The following TBPL1 variants were observed in gnomAD, a reference collection of about 807,000 sequenced individuals.
TBPL1 encodes the protein TATA-box binding protein like 1, also known as TATA box-binding protein-like 1.
Under a neutral mutation model 22.1 loss-of-function variants are expected in TBPL1, and 4 were observed. The ratio of observed to expected loss-of-function variants is 0.18; its 90% CI spans 0.09 to 0.41. TBPL1 has a LOEUF of 0.41. Among genes scored for constraint, TBPL1 ranks in the 10% least tolerant of loss-of-function variants. The pLI is 1.00. For synonymous variants in TBPL1, 64 were observed against 71.0 expected (o/e 0.90, Z 0.50); for missense variants, 115 against 222.3 (o/e 0.52, Z 3.07).
At chr6:133,954,166 A>AT (rs1222213868) in intron 1 of TBPL1, among the ~76,000 whole-genome samples, 1 of 152,208 alleles carries the variant, frequency 6.6e-6, no homozygotes, top group Non-Finnish European at 1.5e-5. Context: ...GCTCATTGCA[A>AT]TAAGACTCAA....
At chr6:133,962,364 A>G (rs1321031376) in intron 1 of TBPL1, among the ~76,000 whole-genome samples, 1 of 152,232 alleles carries the variant, frequency 6.6e-6, no homozygotes, top group African/African-American at 2.4e-5. Context: ...TGTAGCCATA[A>G]TGACATGTGA....
chr6:133,975,925 T>C (rs1444917452), intron 1 of TBPL1, among the ~76,000 whole-genome samples: 1 of 152,196 alleles, frequency 6.6e-6, no homozygotes, highest in African/African-American at 2.4e-5. Context: ...CTTAAATATA[T>C]GGTAGTGCCA....
intron 2 of TBPL1, among the ~76,000 whole-genome samples, 186 bp downstream of exon 2, chr6:133,980,446 A>G (rs1776389122): frequency 6.6e-6 from 1 of 152,198 alleles, no homozygotes; most frequent in African/African-American, 2.4e-5. Context: ...TTTTGTACAT[A>G]GAGTGCTGGT....
rs1285759843 is a variant in TBPL1 at position 133,987,068 on chromosome 6, A to G, written c.*28A>G. The G allele has an allele frequency of 1.3e-6, 2 of 1,545,890 alleles. No individual in the cohort carries two copies. Among genetic ancestry groups the G allele is most frequent in the Middle Eastern group, 2.3e-4 (1 of 4,418 alleles). Reference sequence around the variant, plus strand: ...CACCACTTAATTGGTTAGAATCTCTAACTGAGCACCTTTTAAACCTGCTGC... The same window carrying G: ...CACCACTTAATTGGTTAGAATCTCTGACTGAGCACCTTTTAAACCTGCTGC... On this transcript the variant is annotated 3_prime_UTR_variant, in exon 7 of 7. Transcript: ENST00000237264.
intron 1 of TBPL1, among the ~76,000 whole-genome samples, chr6:133,966,101 T>C (rs1204771368): frequency 1.3e-5 from 2 of 152,116 alleles, no homozygotes; most frequent in African/African-American, 4.8e-5. Flanking sequence ...AGAGAGAGTG[T>C]GTGTGCATGT....
At chr6:133,985,438 TCA>T (rs979465731) in intron 6 of TBPL1, among the ~76,000 whole-genome samples, 3 of 150,208 alleles carry the variant, frequency 2.0e-5, no homozygotes, top group African/African-American at 7.3e-5. Context: ...CTCATAAATT[TCA>T]CAGAGGTTTT....
chr6:133,953,017 C>T (rs1252623148), upstream of TBPL1, among the ~76,000 whole-genome samples: 1 of 151,990 alleles, frequency 6.6e-6, no homozygotes, highest in East Asian at 1.9e-4. Context: ...AGCGGGTGGG[C>T]AGGAGGGGCC....
intron 1 of TBPL1, among the ~76,000 whole-genome samples, chr6:133,974,336 C>T (rs1776275953): frequency 6.6e-6 from 1 of 152,016 alleles, no homozygotes; most frequent in Non-Finnish European, 1.5e-5. Context: ...TTGGTCAGTT[C>T]AGTTATTTCT....
rs1173956436 is a variant in TBPL1, at chr6:133,971,781, A to G, written c.-44-8301A>G. Among the ~76,000 whole-genome samples the G allele has an allele frequency of 4.6e-5, 7 of 151,972 alleles. No homozygotes were observed. In the South Asian group the frequency reaches 1.5e-3, roughly 32 times the overall value. ...GTTTTGCTTATTTTTTAATCAGATTATTTCTTTTGCTGAGTTGGTTGAATT... is the reference window on the plus strand; with the variant it reads ...GTTTTGCTTATTTTTTAATCAGATTGTTTCTTTTGCTGAGTTGGTTGAATT... On this transcript the variant is annotated intron_variant, in intron 1 of 6. Transcript: ENST00000237264.
At chr6:133,956,803 A>G (rs1276104472) in intron 1 of TBPL1, among the ~76,000 whole-genome samples, 2 of 152,220 alleles carry the variant, frequency 1.3e-5, no homozygotes, top group Non-Finnish European at 2.9e-5. Context: ...TTCAAACAAT[A>G]AAGATAATGG....
rs1776478394 is a variant in TBPL1 at position 133,984,776 on chromosome 6, C to G, written c.481+105C>G. On this transcript the variant is annotated intron_variant, in intron 6 of 6. Coordinates refer to ENST00000237264, the MANE Select transcript of TBPL1 (RefSeq NM_004865.4). ...TGTGATTTGTTCCTTTCAGTCACTT[C>G]TGCCCTTTAGAGGAACCAGTCTCCT... 7 of 1,015,606 alleles carry G rather than the reference C, an allele frequency of 6.9e-6. No homozygotes were observed. In the South Asian group the frequency reaches 9.3e-5, roughly 13 times the overall value. 62.9% of individuals were successfully genotyped at this position (1,015,606 alleles called of 1,614,324 possible).
chr6:133,958,180 A>G (rs182458480), intron 1 of TBPL1, among the ~76,000 whole-genome samples: 6 of 152,300 alleles, frequency 3.9e-5, no homozygotes, highest in Admixed American at 2.0e-4. Context: ...TTGAAATACT[A>G]TTTCCCTGTG....
intron 1 of TBPL1, among the ~76,000 whole-genome samples, chr6:133,977,028 CT>C (rs1320953088): frequency 6.6e-6 from 1 of 151,164 alleles, no homozygotes; most frequent in Non-Finnish European, 1.5e-5. Flanking sequence ...GACTGTCATT[CT>C]AATTATCCTA....
intron 1 of TBPL1, among the ~76,000 whole-genome samples, chr6:133,953,822 C>T (rs1267621011): frequency 6.6e-6 from 1 of 152,100 alleles, no homozygotes; most frequent in African/African-American, 2.4e-5. Flanking sequence ...GAAGAGGGAC[C>T]GTGCAAAGAT....
intron 6 of TBPL1, among the ~76,000 whole-genome samples, chr6:133,985,716 A>G (rs896363794): frequency 6.6e-6 from 1 of 152,130 alleles, no homozygotes; most frequent in East Asian, 1.9e-4. Context: ...TCTTTCTTCA[A>G]TCCACAGAGG....
chr6:133,956,314 G>T (rs1435539421), intron 1 of TBPL1, among the ~76,000 whole-genome samples: 1 of 152,192 alleles, frequency 6.6e-6, no homozygotes, highest in Non-Finnish European at 1.5e-5. Flanking sequence ...AATCCATTTT[G>T]TTGTGCCTTC....
chr6:133,966,019 G>C (rs1776111756), intron 1 of TBPL1, among the ~76,000 whole-genome samples: 1 of 152,180 alleles, frequency 6.6e-6, no homozygotes, highest in Non-Finnish European at 1.5e-5. Context: ...ATAAGTGGTA[G>C]AGTCTAGATT....
In TBPL1 at chr6:133,971,146, CTT is replaced by C. The variant is rs35593492; in HGVS notation, c.-44-8923_-44-8922del. ...TCTTCTTTCTGCTTCGATGATAACA[CTT>C]TTTTTTTTTTTTAAGATTCCACATA... is the stretch of plus-strand genomic sequence containing the variant. On this transcript the variant is annotated intron_variant, in intron 1 of 6. Coordinates refer to ENST00000237264, the MANE Select transcript of TBPL1 (RefSeq NM_004865.4). 3.4e-5 allele frequency among the ~76,000 whole-genome samples: 5 copies of C among 145,560 alleles called. No individual in the cohort carries two copies. In the South Asian group the frequency reaches 6.6e-4, roughly 19 times the overall value.
chr6:133,985,386 T>G (rs1009642304), intron 6 of TBPL1, among the ~76,000 whole-genome samples: 1 of 146,936 alleles, frequency 6.8e-6, no homozygotes, highest in Non-Finnish European at 1.5e-5. Context: ...ATTTTTTTTT[T>G]GTAAATTCAT....
Sources: gnomAD v4.1 joint callset for allele counts (sites outside exome capture counted in the v4.1 genomes callset) on GRCh38, gnomAD v4.1.1 for gene constraint, MANE v1.5 for transcripts, NCBI Gene and HGNC (gene_info 2026-07-23, HGNC 2026-07-21) for gene names.